Variants in FOXP2 observed in about 807,000 individuals in gnomAD.
FOXP2 encodes forkhead box protein P2.
FOXP2 carries 12 observed loss-of-function variants against 115.8 expected under a neutral mutation model. The ratio of observed to expected loss-of-function variants is 0.10; its 90% CI spans 0.07 to 0.17. The LOEUF (loss-of-function observed/expected upper bound fraction) is 0.17, where lower values mean the gene tolerates loss of function less well. FOXP2 is among the 10% of genes least tolerant of loss of function. The probability of loss-of-function intolerance (pLI) is 1.00; values close to 1 mark genes in which losing one functional copy is unlikely to be tolerated. For missense variants in FOXP2, 629 were observed against 843.5 expected, an observed-to-expected ratio of 0.75 and a Z score of 3.15; for synonymous variants, 328 against 297.7, an observed-to-expected ratio of 1.10 and a Z score of -1.05.
chr7:114,294,116 A>G (rs962986136), intron 2 of FOXP2, among the ~76,000 whole-genome samples: 1 of 152,192 alleles, frequency 6.6e-6, no homozygotes, highest in Non-Finnish European at 1.5e-5. Flanking sequence ...GCCAAATGGA[A>G]AGAAAATGTG....
At chr7:114,552,498 T>A (rs1800259720) in intron 3 of FOXP2, among the ~76,000 whole-genome samples, 1 of 152,236 alleles carries the variant, frequency 6.6e-6, no homozygotes, top group East Asian at 1.9e-4. Context: ...AATTATCCTT[T>A]TTTATGTGTT....
intron 2 of FOXP2, among the ~76,000 whole-genome samples, chr7:114,323,447 G>C (rs1797478680): frequency 6.6e-6 from 1 of 151,970 alleles, no homozygotes; most frequent in Non-Finnish European, 1.5e-5. Flanking sequence ...AAGAGAGAGG[G>C]AGGATGCATT....
At chr7:114,500,536 A>T (rs1272360450) in intron 2 of FOXP2, among the ~76,000 whole-genome samples, 1 of 152,180 alleles carries the variant, frequency 6.6e-6, no homozygotes, top group African/African-American at 2.4e-5. Flanking sequence ...TACATTTAAA[A>T]TCTACAGAGG....
At position 114,480,049 on chromosome 7, in the gene FOXP2, G is replaced by C. The variant is rs1006852028; in HGVS notation, c.168+53370G>C. ...TTGCTCTTAAACCTTGGACTTTAGG[G>C]GGCAGTGACTAATAGAGACACATTT... On this transcript the variant is annotated intron_variant, in intron 2 of 16. Coordinates refer to ENST00000350908, the MANE Select transcript of FOXP2 (RefSeq NM_014491.4). Among the ~76,000 whole-genome samples, 9 of 151,314 alleles carry C rather than the reference G, an allele frequency of 5.9e-5. 1 individual carries two copies. Among genetic ancestry groups the C allele is most frequent in the African/African-American group, 2.2e-4 (9 of 41,320 alleles).
chr7:114,108,921 T>C (rs1791195114), intron 1 of FOXP2, among the ~76,000 whole-genome samples: 1 of 151,960 alleles, frequency 6.6e-6, no homozygotes, highest in African/African-American at 2.4e-5. Context: ...TCTGCCCTGT[T>C]TTTAGCGGAA....
intron 3 of FOXP2, among the ~76,000 whole-genome samples, chr7:114,571,580 A>G (rs1394979705): frequency 6.6e-6 from 1 of 151,880 alleles, no homozygotes; most frequent in Non-Finnish European, 1.5e-5. Context: ...TCAACCAACC[A>G]CAGATCCAAA....
At chr7:114,687,943 A>AT (rs1808449683) in intron 16 of FOXP2, among the ~76,000 whole-genome samples, 2 of 152,148 alleles carry the variant, frequency 1.3e-5, no homozygotes, top group African/African-American at 4.8e-5. Flanking sequence ...CTAGCCTCTT[A>AT]TATCAAATAT....
chr7:114,364,280 G>A (rs1527148), intron 2 of FOXP2, among the ~76,000 whole-genome samples: 145,541 of 152,160 alleles, frequency 0.96, 69,874 homozygotes, highest in East Asian at 1. Context: ...AGTGGAGGTC[G>A]TGGAGGTCAT....
At chr7:114,316,346 G>C (rs1006022411) in intron 2 of FOXP2, among the ~76,000 whole-genome samples, 2 of 152,064 alleles carry the variant, frequency 1.3e-5, no homozygotes, top group African/African-American at 2.4e-5. Context: ...TAATGTTCTC[G>C]ACCAGTTCAT....
chr7:114,279,322 A>G lies in FOXP2; in HGVS notation c.-101-8697A>G, dbSNP rs564263078. On this transcript the variant is annotated intron_variant, in intron 1 of 17. Transcript: ENST00000634411. ...AGACTTCACAAAGAAAGGATCTGGA[A>G]TTGGGATTGTTCAACAACTGATAGA... is the stretch of plus-strand genomic sequence containing the variant. Among the ~76,000 whole-genome samples, 23 of 152,304 alleles carry G rather than the reference A, an allele frequency of 1.5e-4. No homozygotes were observed. In the East Asian group the frequency reaches 3.7e-3, roughly 24 times the overall value.
chr7:114,256,464 C>CT (rs1372383295), intron 1 of FOXP2, among the ~76,000 whole-genome samples: 2 of 152,048 alleles, frequency 1.3e-5, no homozygotes, highest in Non-Finnish European at 1.5e-5. Flanking sequence ...TGATGTTGAG[C>CT]TTTTTTTCCT....
intron 3 of FOXP2, chr7:114,561,516 C>T (rs1410579838): frequency 6.6e-6 from 1 of 152,098 alleles, no homozygotes; most frequent in African/African-American, 2.4e-5. Context: ...ACTGTCTAAA[C>T]TACTCTTTTA....
At chr7:114,376,335 A>G (rs1584676891) in intron 2 of FOXP2, among the ~76,000 whole-genome samples, 2 of 152,334 alleles carry the variant, frequency 1.3e-5, no homozygotes, top group Admixed American at 1.3e-4. Flanking sequence ...CTCAGCGACA[A>G]TTATTTAACT....
chr7:114,215,443 A>G (rs1203634437), intron 1 of FOXP2, among the ~76,000 whole-genome samples: 1 of 152,172 alleles, frequency 6.6e-6, no homozygotes, highest in Admixed American at 6.5e-5. Flanking sequence ...ACTAGGTTCA[A>G]CCATAAGAAA....
chr7:114,300,489 A>T (rs1248110835), intron 2 of FOXP2, among the ~76,000 whole-genome samples: 2 of 151,950 alleles, frequency 1.3e-5, no homozygotes, highest in Non-Finnish European at 2.9e-5. Context: ...TATTATTTCA[A>T]CTTTGTTCAT....
At chr7:114,498,839 T>G in intron 2 of FOXP2, 1 of 717,828 alleles carries the variant, frequency 1.4e-6, no homozygotes, top group South Asian at 1.5e-5. Flanking sequence ...TGGTTGGCTT[T>G]GTTTCATTTT....
chr7:114,386,145 G>C (rs1414584116), intron 2 of FOXP2, among the ~76,000 whole-genome samples: 2 of 152,166 alleles, frequency 1.3e-5, no homozygotes, highest in Non-Finnish European at 2.9e-5. Context: ...GGGAGTCGGC[G>C]GTGGGTCTGC....
At chr7:114,167,154 T>C (rs1793004441) in intron 1 of FOXP2, among the ~76,000 whole-genome samples, 1 of 152,240 alleles carries the variant, frequency 6.6e-6, no homozygotes, top group African/African-American at 2.4e-5. Flanking sequence ...CAAGCAACTT[T>C]AACTAGGGTA....
chr7:114,191,243 T>C, intron 1 of FOXP2, among the ~76,000 whole-genome samples: 1 of 152,224 alleles, frequency 6.6e-6, no homozygotes, highest in East Asian at 1.9e-4. Context: ...ATACCTTTCC[T>C]TTCTGATTTT....
Sources: allele counts gnomAD v4.1 joint callset (sites outside exome capture counted in the v4.1 genomes callset), GRCh38; gene constraint gnomAD v4.1.1; transcripts MANE v1.5; gene names NCBI Gene and HGNC (gene_info 2026-07-23, HGNC 2026-07-21).